Variants in PALLD observed in about 807,000 individuals in gnomAD.
PALLD encodes the protein palladin, cytoskeletal associated protein.
PALLD carries 61 observed loss-of-function variants against 123.5 expected under a neutral mutation model. The observed-to-expected ratio is 0.49, with a 90% CI of 0.40 to 0.61. PALLD has a LOEUF of 0.61. Among genes scored for constraint, PALLD ranks in the 20% least tolerant of loss-of-function variants. PALLD has a pLI of 0.00. For synonymous variants in PALLD, 465 were observed against 496.4 expected (o/e 0.94, Z 0.84); for missense variants, 1,273 against 1,377.0 (o/e 0.92, Z 1.20).
At chr4:168,908,049 A>G (rs1249134745) in intron 15 of PALLD, among the ~76,000 whole-genome samples, 1 of 152,200 alleles carries the variant, frequency 6.6e-6, no homozygotes, top group East Asian at 1.9e-4. Flanking sequence ...GTGTAAATGT[A>G]TATATCCCAC....
intron 2 of PALLD, among the ~76,000 whole-genome samples, chr4:168,608,748 C>G (rs929009811): frequency 2.0e-5 from 3 of 151,974 alleles, no homozygotes; most frequent in Admixed American, 1.3e-4. Flanking sequence ...CTATGAATCA[C>G]TCTGGCATTT....
intron 3 of PALLD, among the ~76,000 whole-genome samples, chr4:168,670,871 G>A (rs188280525): frequency 8.0e-5 from 12 of 149,774 alleles, no homozygotes; most frequent in African/African-American, 2.7e-4. Context: ...ATCAAGATCA[G>A]CCTGGCCAAC....
intron 6 of PALLD, among the ~76,000 whole-genome samples, chr4:168,686,303 A>G (rs1225660822): frequency 6.6e-6 from 1 of 151,914 alleles, no homozygotes; most frequent in Non-Finnish European, 1.5e-5. Context: ...GGTTTGCTGC[A>G]CCTATCAACC....
rs548615047 is a variant in PALLD at position 168,626,530 on chromosome 4, C to A, written c.909-41660C>A. Among the ~76,000 whole-genome samples the A allele has an allele frequency of 4.0e-5, 6 of 151,066 alleles. No individual in the cohort carries two copies. In the East Asian group the frequency reaches 1.2e-3, roughly 30 times the overall value. On this transcript the variant is annotated intron_variant, in intron 2 of 21. Coordinates refer to ENST00000505667, the MANE Select transcript of PALLD (RefSeq NM_001166108.2). ...ATAGAGACCATCCTGGGAAACGTGG[C>A]GAAACCCATGCCTCTATTAAAACTA...
intron 5 of PALLD, among the ~76,000 whole-genome samples, chr4:168,685,281 G>A (rs1209109004): frequency 6.6e-6 from 1 of 152,174 alleles, no homozygotes; most frequent in African/African-American, 2.4e-5. Context: ...ATATCCTTTT[G>A]AACAGAGAAG....
chr4:168,631,104 C>A (rs1007127703), intron 2 of PALLD, among the ~76,000 whole-genome samples: 1 of 152,174 alleles, frequency 6.6e-6, no homozygotes, highest in Non-Finnish European at 1.5e-5. Context: ...TTGGCATTCC[C>A]TTTCCTAGGG....
intron 2 of PALLD, among the ~76,000 whole-genome samples, chr4:168,631,242 G>C (rs1223589469): frequency 6.6e-6 from 1 of 152,230 alleles, no homozygotes; most frequent in Non-Finnish European, 1.5e-5. Context: ...GAAGGGTACA[G>C]AAGGAACCTC....
At chr4:168,674,509 T>A (rs1265036475) in intron 3 of PALLD, among the ~76,000 whole-genome samples, 1 of 151,882 alleles carries the variant, frequency 6.6e-6, no homozygotes, top group Non-Finnish European at 1.5e-5. Context: ...CCCCAGGGTG[T>A]GAGAGAAACC....
intron 2 of PALLD, among the ~76,000 whole-genome samples, chr4:168,582,402 T>C (rs1770380882): frequency 6.6e-6 from 1 of 151,720 alleles, no homozygotes; most frequent in African/African-American, 2.4e-5. Context: ...GATCAGATCA[T>C]CTGTGAACAG....
chr4:168,708,270 G>GTCATCATCA (rs150158110), intron 8 of PALLD, among the ~76,000 whole-genome samples: 3 of 151,920 alleles, frequency 2.0e-5, no homozygotes, highest in Non-Finnish European at 2.9e-5. Context: ...TCTTGTTATC[G>GTCATCATCA]TCATCATCAT....
intron 2 of PALLD, among the ~76,000 whole-genome samples, chr4:168,541,814 A>G (rs1765645892): frequency 6.6e-6 from 1 of 152,126 alleles, no homozygotes; most frequent in Non-Finnish European, 1.5e-5. Flanking sequence ...TGATTGCCCA[A>G]TTATATGTTG....
chr4:168,909,782 T>C (rs1463362711), intron 15 of PALLD, among the ~76,000 whole-genome samples: 1 of 152,190 alleles, frequency 6.6e-6, no homozygotes, highest in Non-Finnish European at 1.5e-5. Flanking sequence ...TTGTCAAAAA[T>C]AGTATGTTCA....
intron 2 of PALLD, among the ~76,000 whole-genome samples, chr4:168,598,939 A>T (rs2149714587): frequency 6.6e-6 from 1 of 152,318 alleles, no homozygotes; most frequent in East Asian, 1.9e-4. Flanking sequence ...TTCTTTAATA[A>T]ATAATTTTAA....
At chr4:168,586,153 T>TAAAAA (rs35474736) in intron 2 of PALLD, among the ~76,000 whole-genome samples, 1 of 75,530 alleles carries the variant, frequency 1.3e-5, no homozygotes, top group African/African-American at 5.3e-5. Flanking sequence ...TCAAGAGACC[T>TAAAAA]AAAAAAAAAA....
chr4:168,862,380 C>T (rs7685416), intron 10 of PALLD, among the ~76,000 whole-genome samples: 87,158 of 151,720 alleles, frequency 0.57, 28,515 homozygotes, highest in East Asian at 0.89. Context: ...GATCTGGGCT[C>T]AAGTGATCCT....
At chr4:168,882,846 C>A (rs1752792252) in intron 10 of PALLD, among the ~76,000 whole-genome samples, 1 of 152,056 alleles carries the variant, frequency 6.6e-6, no homozygotes, top group African/African-American at 2.4e-5. Context: ...AATGAATGAA[C>A]AGAAGTAACC....
At chr4:168,797,585 G>T (rs915838519) in intron 10 of PALLD, among the ~76,000 whole-genome samples, 2 of 152,112 alleles carry the variant, frequency 1.3e-5, no homozygotes, top group African/African-American at 4.8e-5. Context: ...CTGGGCTTAT[G>T]TTTCAAATTT....
chr4:168,564,361 A>C (rs536844171), intron 2 of PALLD, among the ~76,000 whole-genome samples: 77 of 152,264 alleles, frequency 5.1e-4, no homozygotes, highest in African/African-American at 1.5e-3. Context: ...TCATCTCTTC[A>C]CAATTTTTTC....
intron 8 of PALLD, chr4:168,700,133 C>T (rs1432657315): frequency 1.9e-5 from 4 of 214,756 alleles, no homozygotes; most frequent in African/African-American, 9.3e-5. Context: ...CAGAACCATA[C>T]AAGCTATGAT....
Sources: allele counts gnomAD v4.1 joint callset (sites outside exome capture counted in the v4.1 genomes callset), GRCh38; gene constraint gnomAD v4.1.1; transcripts MANE v1.5; gene names NCBI Gene and HGNC (gene_info 2026-07-23, HGNC 2026-07-21).